Variants in GALNT16 observed in about 807,000 individuals in gnomAD.
GALNT16 encodes UDP-GalNAc:polypeptide N-acetylgalactosaminyltransferase-like protein 1.
GALNT16 carries 40 observed loss-of-function variants against 76.1 expected under a neutral mutation model. The observed-to-expected ratio is 0.53, with a 90% CI of 0.41 to 0.68. The LOEUF (loss-of-function observed/expected upper bound fraction) is 0.68, where lower values mean the gene tolerates loss of function less well. Ranked by LOEUF, GALNT16 falls within the 30% of genes least tolerant of loss-of-function variation. The probability of loss-of-function intolerance (pLI) is 0.00; values close to 1 mark genes in which losing one functional copy is unlikely to be tolerated. For synonymous variants in GALNT16, 276 were observed against 285.2 expected (o/e 0.97, Z 0.32); for missense variants, 621 against 731.9 (o/e 0.85, Z 1.75).
At chr14:69,260,036 C>A (rs1381140330), upstream of GALNT16, 10 of 410,780 alleles carry the variant, frequency 2.4e-5, no homozygotes, top group Non-Finnish European at 3.5e-5. Flanking sequence ...GCGGGGCCGG[C>A]CCTGCGCACG....
intron 1 of GALNT16, among the ~76,000 whole-genome samples, chr14:69,303,444 TC>T (rs917633444): frequency 9.2e-5 from 14 of 152,272 alleles, no homozygotes; most frequent in African/African-American, 3.4e-4. Flanking sequence ...GCAGAGACCA[TC>T]CTTTCTCCAT....
At chr14:69,296,295 T>G (rs1283520152) in intron 1 of GALNT16, among the ~76,000 whole-genome samples, 1 of 152,166 alleles carries the variant, frequency 6.6e-6, no homozygotes, top group Non-Finnish European at 1.5e-5. Flanking sequence ...CATGGTCCAA[T>G]CACCTCCCTC....
intron 1 of GALNT16, among the ~76,000 whole-genome samples, chr14:69,282,137 C>T (rs1282178580): frequency 6.6e-6 from 1 of 152,176 alleles, no homozygotes; most frequent in Non-Finnish European, 1.5e-5. Flanking sequence ...GAGGTTTCAT[C>T]GCTTTCAGAG....
chr14:69,344,674 A>G (rs2045538384), intron 12 of GALNT16, among the ~76,000 whole-genome samples: 1 of 152,150 alleles, frequency 6.6e-6, no homozygotes, highest in South Asian at 2.1e-4. Context: ...CGTAAGCATC[A>G]CTGGGCATTG....
At chr14:69,374,939 T>C in the GALNT16 span, among the ~76,000 whole-genome samples, 5 of 152,208 alleles carry the variant, frequency 3.3e-5, no homozygotes, top group Non-Finnish European at 7.3e-5. Context: ...AACTCACTCC[T>C]GCGGAAATGA....
rs368886523 is a variant in GALNT16 at position 69,325,952 on chromosome 14, G to A, written c.503-10G>A. 9.9e-6 allele frequency: 16 copies of A among 1,612,386 alleles called. 1 individual carries two copies. The South Asian group carries it at 1.2e-4, about 12-fold the overall frequency. On this transcript the variant is annotated splice_polypyrimidine_tract_variant and intron_variant, in intron 4 of 14. Transcript: ENST00000448469. ...TCTAAATGAGCTTGCCTTCCTCTTT[G>A]CATCCTCAGCGGAAGACTGTCTACT...
At chr14:69,307,581 C>T (rs760812941) in intron 1 of GALNT16, among the ~76,000 whole-genome samples, 13 of 152,078 alleles carry the variant, frequency 8.5e-5, no homozygotes, top group South Asian at 2.1e-4. Flanking sequence ...ACCTCCTTTC[C>T]GCAGCTACGG....
chr14:69,325,465 ACACCAAGGCAAG>A (rs2045269020), intron 4 of GALNT16, 61 bp downstream of exon 4: 2 of 992,030 alleles, frequency 2.0e-6, no homozygotes, highest in Non-Finnish European at 3.3e-6. Context: ...TTTCCCCAGA[ACACCAAGGCAAG>A]CACCCTGAGG....
intron 1 of GALNT16, among the ~76,000 whole-genome samples, chr14:69,312,740 C>T (rs958163226): frequency 9.9e-5 from 15 of 152,224 alleles, no homozygotes; most frequent in African/African-American, 3.6e-4. Context: ...CTGGGCAAGT[C>T]CCTATCTGAG....
intron 1 of GALNT16, among the ~76,000 whole-genome samples, chr14:69,290,363 C>CG (rs1234955928): frequency 6.6e-6 from 1 of 152,094 alleles, no homozygotes; most frequent in Non-Finnish European, 1.5e-5. Context: ...AACAGGAAGG[C>CG]GGGGGAAGAA....
chr14:69,378,669 T>C, the GALNT16 span, among the ~76,000 whole-genome samples: 18 of 152,242 alleles, frequency 1.2e-4, no homozygotes, highest in Admixed American at 1.2e-3. Context: ...TCACTCAACA[T>C]CTAGAACCCA....
chr14:69,383,378 A>G, the GALNT16 span, among the ~76,000 whole-genome samples: 478 of 152,350 alleles, frequency 3.1e-3, 4 homozygotes, highest in African/African-American at 0.011. Context: ...TTTAATAGAA[A>G]CTATGAGCAC....
the GALNT16 span, among the ~76,000 whole-genome samples, chr14:69,373,014 C>A: frequency 1.3e-5 from 2 of 152,212 alleles, no homozygotes; most frequent in Non-Finnish European, 2.9e-5. Context: ...TCTAACAGGT[C>A]TCTGAGCTCA....
the GALNT16 span, among the ~76,000 whole-genome samples, chr14:69,367,391 G>T: frequency 6.6e-6 from 1 of 151,812 alleles, no homozygotes; most frequent in South Asian, 2.1e-4. Context: ...CCTTATAAAA[G>T]ACACCCTAGA....
At chr14:69,331,604 G>C in intron 7 of GALNT16, 53 bp downstream of exon 7, 2 of 1,025,608 alleles carry the variant, frequency 2.0e-6, no homozygotes, top group Non-Finnish European at 3.1e-6. Context: ...GGTAGGTGAG[G>C]CTAGGCAGGC....
chr14:69,311,584 G>C (rs760039771), intron 1 of GALNT16, among the ~76,000 whole-genome samples: 1 of 152,100 alleles, frequency 6.6e-6, no homozygotes, highest in Non-Finnish European at 1.5e-5. Context: ...CTGTCCTATT[G>C]GTGGACATTA....
chr14:69,373,481 C>A, the GALNT16 span, among the ~76,000 whole-genome samples: 1 of 152,290 alleles, frequency 6.6e-6, no homozygotes, highest in African/African-American at 2.4e-5. Flanking sequence ...TTTAAACCAA[C>A]CTTTTCACAG....
At chr14:69,317,535 C>G (rs1272381995) in intron 1 of GALNT16, among the ~76,000 whole-genome samples, 2 of 152,232 alleles carry the variant, frequency 1.3e-5, no homozygotes, top group African/African-American at 4.8e-5. Context: ...TTCCCAGCCT[C>G]TTACCCAGTG....
chr14:69,280,062 T>G (rs1594816984), intron 1 of GALNT16, among the ~76,000 whole-genome samples: 1 of 152,260 alleles, frequency 6.6e-6, no homozygotes, highest in African/African-American at 2.4e-5. Flanking sequence ...CTTTACCATC[T>G]TAACCATTTT....
Sources: gnomAD v4.1 joint callset for allele counts (sites outside exome capture counted in the v4.1 genomes callset) on GRCh38, gnomAD v4.1.1 for gene constraint, MANE v1.5 for transcripts, NCBI Gene and HGNC (gene_info 2026-07-23, HGNC 2026-07-21) for gene names.